The following SERINC2 variants were observed in gnomAD, a reference collection of about 807,000 sequenced individuals.
SERINC2 encodes serine incorporator 2.
A neutral mutation model predicts 54.2 loss-of-function variants in SERINC2; 56 were observed. The observed-to-expected ratio is 1.03, with a 90% CI of 0.83 to 1.29. The LOEUF (loss-of-function observed/expected upper bound fraction) is 1.29. SERINC2 is among the 50% of genes most tolerant of loss of function. The probability of loss-of-function intolerance (pLI) is 0.00; values close to 1 mark genes in which losing one functional copy is unlikely to be tolerated. For missense variants in SERINC2, 614 were observed against 607.4 expected (o/e 1.01, Z -0.12); for synonymous variants, 272 against 253.1 (o/e 1.07, Z -0.71).
rs1553133323 is a variant in SERINC2 at position 31,424,876 on chromosome 1, G to A, written c.392+3G>A. The A allele has an allele frequency of 3.8e-5, 61 of 1,608,896 alleles. No homozygotes were observed. The East Asian group carries it at 1.3e-3, about 35-fold the overall frequency. On this transcript the variant is annotated splice_donor_region_variant and intron_variant, in intron 3 of 9. Transcript: ENST00000373709. ...CCCCGGGCTGCCATCCAGAATGGGT[G>A]AGAGAGGGGTCCCTGCCTGCACCCT...
chr1:31,431,977 AGGGT>A (rs1641253569), intron 8 of SERINC2, among the ~76,000 whole-genome samples: 3 of 139,408 alleles, frequency 2.2e-5, no homozygotes, highest in Non-Finnish European at 3.1e-5. Context: ...TAGGGTGGAT[AGGGT>A]GGATAGGGTG....
chr1:31,432,056 ACAGGGTG>A (rs1641270766), intron 8 of SERINC2, among the ~76,000 whole-genome samples: 1 of 125,218 alleles, frequency 8.0e-6, no homozygotes, highest in Non-Finnish European at 1.6e-5. Context: ...GACAGGGTGG[ACAGGGTG>A]GACAGGGTGG....
Position 31,426,789 on chromosome 1 carries a change from G to A in SERINC2, c.746G>A (p.Cys249Tyr). Reference protein sequence around the residue: ...FISLNLTFCVCVSIAAVLPKV... With the variant: ...FISLNLTFCVYVSIAAVLPKV... ...AGCCTCAACCTCACCTTCTGTGTCT[G>A]CGTGTCCATCGCTGCTGTCCTGCCC... is the stretch of plus-strand genomic sequence containing the variant. Residue 249 changes from cysteine (C) to tyrosine (Y), a missense_variant, in exon 6 of 10, where the codon TGC becomes TAC. By Grantham distance (194) the Cys-to-Tyr change is radical. Transcript: ENST00000373709. 6.2e-7 allele frequency: 1 copy of A among 1,614,028 alleles called. No individual in the cohort carries two copies. The highest frequency in any genetic ancestry group is 8.5e-7 in the Non-Finnish European group (1 of 1,180,010).
At position 31,429,489 on chromosome 1, in the gene SERINC2, C is replaced by G. The variant is rs1328041301; in HGVS notation, c.964C>G (p.Pro322Ala). 1.7e-5 allele frequency: 28 copies of G among 1,613,648 alleles called. No individual in the cohort carries two copies. The highest frequency in any genetic ancestry group is 2.4e-5 in the Non-Finnish European group (28 of 1,179,862). ...CTATGAGACCCAGTGGTGGGATGCCCCGAGCATTGTGGGCCTCATCATCTT... is the reference window on the plus strand; with the variant it reads ...CTATGAGACCCAGTGGTGGGATGCCGCGAGCATTGTGGGCCTCATCATCTT... ...EGYETQWWDA[P>A]SIVGLIIFLL... The change falls in exon 8 of 10, where the codon CCG becomes GCG. Residue 322 changes from proline to alanine, a missense_variant. Transcript: ENST00000373709.
At chr1:31,434,034 C>T (rs782654968) in intron 9 of SERINC2, 30 bp from the exon 10 acceptor site, 33 of 1,609,002 alleles carry the variant, frequency 2.1e-5, no homozygotes, top group African/African-American at 2.0e-4. Context: ...GACTGGGCAC[C>T]AGGCTCATGG....
chr1:31,430,330 A>C (rs1026041476), intron 8 of SERINC2, among the ~76,000 whole-genome samples: 7 of 151,334 alleles, frequency 4.6e-5, no homozygotes, highest in African/African-American at 1.7e-4. Context: ...CCTGGGCAAC[A>C]TAGTAAGACG....
chr1:31,430,529 G>T (rs1553134292), intron 8 of SERINC2, among the ~76,000 whole-genome samples: 1 of 152,112 alleles, frequency 6.6e-6, no homozygotes, highest in African/African-American at 2.4e-5. Context: ...AATTAGTCAG[G>T]CATGGTGGTA....
chr1:31,418,197 G>C (rs1640826308), intron 1 of SERINC2, among the ~76,000 whole-genome samples: 1 of 152,092 alleles, frequency 6.6e-6, no homozygotes. Flanking sequence ...CTATTGTATG[G>C]ATATGGATAT....
chr1:31,432,429 T>C (rs1427309204), intron 8 of SERINC2, among the ~76,000 whole-genome samples: 2 of 151,720 alleles, frequency 1.3e-5, no homozygotes, highest in Non-Finnish European at 2.9e-5. Flanking sequence ...CTGTTGTTCT[T>C]TTTTTAGTGT....
At chr1:31,419,673 A>G (rs1412284763) in intron 1 of SERINC2, among the ~76,000 whole-genome samples, 1 of 152,184 alleles carries the variant, frequency 6.6e-6, no homozygotes, top group Non-Finnish European at 1.5e-5. Flanking sequence ...ACCAAAAAAT[A>G]CAAAAATTAG....
intron 8 of SERINC2, among the ~76,000 whole-genome samples, chr1:31,432,138 C>CAGGGTGGAGAGGGTGGAG (rs1641296856): frequency 1.8e-4 from 1 of 5,512 alleles, no homozygotes; most frequent in Admixed American, 2.0e-3. Context: ...ATAGGGTGGA[C>CAGGGTGGAGAGGGTGGAG]AGGGTGGACA....
chr1:31,414,629 G>A (rs1260535488), intron 1 of SERINC2: 4 of 985,592 alleles, frequency 4.1e-6, no homozygotes, highest in East Asian at 1.1e-4. Context: ...GCATGTGCGT[G>A]TGCAGGAGGA....
chr1:31,429,294 ATCTG>A, intron 7 of SERINC2, 99 bp from the exon 8 acceptor site: 4 of 1,412,766 alleles, frequency 2.8e-6, no homozygotes, highest in Non-Finnish European at 3.9e-6. Flanking sequence ...TTGGCTGTGT[ATCTG>A]TCTGTCTATT....
Position 31,417,482 on chromosome 1 carries a change from G to A in SERINC2, c.39+4178G>A, listed in dbSNP as rs115560636. Among the ~76,000 whole-genome samples the A allele has an allele frequency of 9.3e-3, 1,408 of 152,004 alleles. 27 individuals carry two copies. Among genetic ancestry groups the A allele is most frequent in the African/African-American group, 0.032 (1,319 of 41,424 alleles). The stretch of plus-strand genomic sequence containing the variant: ...TCTCTTTGCTGGGAATACCCTTCTC[G>A]CCTCTTCCTGCTCTTCTTTGAAAAC... On this transcript the variant is annotated intron_variant, in intron 1 of 9. Coordinates refer to ENST00000373709, the MANE Select transcript of SERINC2 (RefSeq NM_178865.5).
chr1:31,427,745 G>A (rs1641082750), intron 6 of SERINC2, among the ~76,000 whole-genome samples: 1 of 152,000 alleles, frequency 6.6e-6, no homozygotes, highest in East Asian at 1.9e-4. Flanking sequence ...GCCTAGCCAA[G>A]GTCACATGGG....
At chr1:31,423,020 G>A (rs1640939217) in intron 1 of SERINC2, among the ~76,000 whole-genome samples, 3 of 152,240 alleles carry the variant, frequency 2.0e-5, no homozygotes, top group African/African-American at 7.2e-5. Context: ...ACATGTGACT[G>A]GTACTATGCC....
At chr1:31,432,796 A>G (rs185671112) in intron 8 of SERINC2, among the ~76,000 whole-genome samples, 171 bp from the exon 9 acceptor site, 3 of 152,166 alleles carry the variant, frequency 2.0e-5, no homozygotes, top group Admixed American at 6.5e-5. Context: ...GCTCAAGGTC[A>G]CACAGAAAAT....
chr1:31,426,544 CTG>C lies in SERINC2; in HGVS notation c.611-109_611-108del. On this transcript the variant is annotated intron_variant, in intron 5 of 9. Coordinates refer to ENST00000373709, the MANE Select transcript of SERINC2 (RefSeq NM_178865.5). ...TGACGTCATTCTTCAAGTGGGGAAA[CTG>C]AGAGCTGGAGAGGGGGAGAGCTGCC... 6.0e-6 allele frequency: 5 copies of C among 833,604 alleles called. No individual in the cohort carries two copies. The South Asian group carries it at 9.8e-5, about 16-fold the overall frequency. The allele number at this position is 833,604 out of a possible 1,614,324, so 51.6% of individuals were successfully genotyped here. A position where few individuals can be genotyped will look rare whatever the true frequency, so the allele number is the denominator to read the frequency against.
At position 31,424,854 on chromosome 1, in the gene SERINC2, C is replaced by G; in HGVS notation, c.373C>G (p.Arg125Gly). 6.2e-7 allele frequency: 1 copy of G among 1,611,500 alleles called. No individual in the cohort carries two copies. The highest frequency in any genetic ancestry group is 1.7e-4 in the Middle Eastern group (1 of 6,046). ...CTGCGTGAGCAGCAGCCGGGACCCCCGGGCTGCCATCCAGAATGGGTGAGA... is the reference window on the plus strand; with the variant it reads ...CTGCGTGAGCAGCAGCCGGGACCCCGGGGCTGCCATCCAGAATGGGTGAGA... ...MLCVSSSRDP[R>G]AAIQNGFWFF... Residue 125 changes from arginine to glycine, a missense_variant, in exon 3 of 10, where the codon CGG becomes GGG. Transcript: ENST00000373709.
Sources: allele counts gnomAD v4.1 joint callset (sites outside exome capture counted in the v4.1 genomes callset), GRCh38; gene constraint gnomAD v4.1.1; transcripts MANE v1.5; gene names NCBI Gene and HGNC (gene_info 2026-07-23, HGNC 2026-07-21).